Variants in RAPH1 observed in about 807,000 individuals in gnomAD.
The protein encoded by RAPH1 is ras-associated and pleckstrin homology domains-containing protein 1.
Under a neutral mutation model 88.1 loss-of-function variants are expected in RAPH1, and 18 were observed. The observed-to-expected ratio is 0.20, with a 90% CI of 0.14 to 0.30. The LOEUF (loss-of-function observed/expected upper bound fraction) is 0.30, where lower values mean the gene tolerates loss of function less well. RAPH1 is among the 10% of genes least tolerant of loss of function. The pLI is 1.00. For missense variants in RAPH1, 1,448 were observed against 1,543.2 expected (o/e 0.94, Z 1.03); for synonymous variants, 587 against 559.0 (o/e 1.05, Z -0.71).
At position 203,448,983 on chromosome 2, in the gene RAPH1, A is replaced by T; in HGVS notation, c.1414-147T>A. ...ATGCTTCTTATATGGCCATAAGGCC[A>T]AATAAAGTAGCCCATAAGAATTTTT... On this transcript the variant is annotated intron_variant, in intron 10 of 13. Coordinates refer to ENST00000319170, the MANE Select transcript of RAPH1 (RefSeq NM_213589.3). This position sits in a 1 kb window ranked among gnomAD's most constrained non-coding sequence, Gnocchi z 4.1. 1 of 420,702 alleles carries T rather than the reference A, an allele frequency of 2.4e-6. No individual in the cohort carries two copies. The highest frequency in any genetic ancestry group is 4.2e-6 in the Non-Finnish European group (1 of 240,534). The allele number at this position is 420,702 out of a possible 1,614,324, so 26.1% of individuals were successfully genotyped here.
chr2:203,452,452 G>GT (rs2098515724), intron 10 of RAPH1, among the ~76,000 whole-genome samples: 1 of 152,166 alleles, frequency 6.6e-6, no homozygotes, highest in Non-Finnish European at 1.5e-5. Flanking sequence ...AAAATAACTC[G>GT]TATCTTTAAG....
At position 203,435,223 on chromosome 2, in the gene RAPH1, T is replaced by C. The variant is rs2098497482; in HGVS notation, c.*4214A>G. Reference sequence around the variant, plus strand: ...TATTTGAGGGATAAAGGTGTAGAAATTTTCTCTTTGAATTTTATAAGGAAA... The same window carrying C: ...TATTTGAGGGATAAAGGTGTAGAAACTTTCTCTTTGAATTTTATAAGGAAA... On this transcript the variant is annotated 3_prime_UTR_variant, in exon 14 of 14. Coordinates refer to ENST00000319170, the MANE Select transcript of RAPH1 (RefSeq NM_213589.3). 1 of 152,106 alleles carries C rather than the reference T, an allele frequency of 6.6e-6. No individual in the cohort carries two copies. The highest frequency in any genetic ancestry group is 1.5e-5 in the Non-Finnish European group (1 of 68,018). 9.4% of individuals were successfully genotyped at this position (152,106 alleles called of 1,614,324 possible).
In RAPH1 at chr2:203,471,034, ATCATTC is replaced by A. The variant is rs556536320; in HGVS notation, c.733-9115_733-9110del. The stretch of plus-strand genomic sequence containing the variant: ...ATAATTTGTAAATGGCATGGTCCCT[ATCATTC>A]TCCCCTTAACTTTTCAGTAACATGT... On this transcript the variant is annotated intron_variant, in intron 4 of 13. Coordinates refer to ENST00000319170, the MANE Select transcript of RAPH1 (RefSeq NM_213589.3). Among the ~76,000 whole-genome samples, 110 of 152,318 alleles carry A rather than the reference ATCATTC, an allele frequency of 7.2e-4. 1 individual carries two copies. The highest frequency in any genetic ancestry group is 2.5e-3 in the African/African-American group (105 of 41,584).
intron 1 of RAPH1, among the ~76,000 whole-genome samples, chr2:203,513,351 CTTTTTTTT>C (rs35194583): frequency 8.1e-5 from 7 of 86,910 alleles, no homozygotes; most frequent in Non-Finnish European, 1.3e-4. Context: ...TTCTCTCAAT[CTTTTTTTT>C]TTTTTTTTTT....
intron 3 of RAPH1, among the ~76,000 whole-genome samples, chr2:203,490,709 T>A (rs561821685): frequency 6.6e-6 from 1 of 152,290 alleles, no homozygotes; most frequent in African/African-American, 2.4e-5. Context: ...CTTTTCTCTG[T>A]GATATTTTCA....
rs1371433502 is a variant in RAPH1, at chr2:203,437,359, C to T, written c.*2078G>A. Reference sequence around the variant, plus strand: ...ATAACTGGATTCATATTCTTACTAACTCTAACCCACAAATATGGGTGCCCC... The same window carrying T: ...ATAACTGGATTCATATTCTTACTAATTCTAACCCACAAATATGGGTGCCCC... On this transcript the variant is annotated 3_prime_UTR_variant, in exon 14 of 14. Coordinates refer to ENST00000319170, the MANE Select transcript of RAPH1 (RefSeq NM_213589.3). 1 of 150,780 alleles carries T rather than the reference C, an allele frequency of 6.6e-6. No homozygotes were observed. Among genetic ancestry groups the T allele is most frequent in the East Asian group, 1.9e-4 (1 of 5,196 alleles). 9.3% of individuals were successfully genotyped at this position (150,780 alleles called of 1,614,324 possible). A position where few individuals can be genotyped will look rare whatever the true frequency, so the allele number is the denominator to read the frequency against.
chr2:203,481,758 ATT>A (rs757903816), intron 4 of RAPH1, among the ~76,000 whole-genome samples: 125 of 137,314 alleles, frequency 9.1e-4, no homozygotes, highest in African/African-American at 3.1e-3. Flanking sequence ...CGCCAGGATA[ATT>A]TTTTTTTTTT....
intron 10 of RAPH1, among the ~76,000 whole-genome samples, chr2:203,449,130 A>T (rs2098512582): frequency 6.6e-6 from 1 of 152,282 alleles, no homozygotes; most frequent in African/African-American, 2.4e-5. Flanking sequence ...AACAAAGTTC[A>T]TCAAGGTTAA....
chr2:203,517,056 GA>G (rs1689647216), intron 1 of RAPH1, among the ~76,000 whole-genome samples: 1 of 150,846 alleles, frequency 6.6e-6, no homozygotes, highest in Admixed American at 6.6e-5. Flanking sequence ...AATAAAGAAA[GA>G]AAGAAAAAGT....
At chr2:203,501,461 G>A (rs558655682) in intron 1 of RAPH1, among the ~76,000 whole-genome samples, 5 of 152,128 alleles carry the variant, frequency 3.3e-5, no homozygotes, top group Non-Finnish European at 5.9e-5. Context: ...AACCGTCTGG[G>A]AAGTTTTAAA....
chr2:203,495,193 GT>G, intron 2 of RAPH1, 40 bp downstream of exon 2: 1 of 1,610,408 alleles, frequency 6.2e-7, no homozygotes, highest in Non-Finnish European at 8.5e-7. Flanking sequence ...TAACACAATG[GT>G]GACTTCAAAT....
rs1361036292 is a variant in RAPH1 at position 203,476,454 on chromosome 2, A to G, written c.732+13130T>C. ...CCAAAGTGCTGGGATTACAGGTATG[A>G]GCCAACACACCCGGCCACGAGATTT... On this transcript the variant is annotated intron_variant, in intron 4 of 13. Coordinates refer to ENST00000319170, the MANE Select transcript of RAPH1 (RefSeq NM_213589.3). Among the ~76,000 whole-genome samples the G allele has an allele frequency of 2.0e-5, 3 of 152,158 alleles. 1 individual carries two copies.
At chr2:203,517,359 C>CAAAAAAAAAAAAAAA (rs71408943) in intron 1 of RAPH1, among the ~76,000 whole-genome samples, 14 of 32,148 alleles carry the variant, frequency 4.4e-4, no homozygotes, top group African/African-American at 5.5e-4. Flanking sequence ...CTATGAGAGG[C>CAAAAAAAAAAAAAAA]AAAAAAAAAA....
At chr2:203,507,572 C>T (rs892032166) in intron 1 of RAPH1, among the ~76,000 whole-genome samples, 2 of 152,160 alleles carry the variant, frequency 1.3e-5, no homozygotes, top group Non-Finnish European at 2.9e-5. Context: ...TACAACATCA[C>T]TGTAGTTATT....
At position 203,445,086 on chromosome 2, in the gene RAPH1, G is replaced by C. The variant is rs559296365; in HGVS notation, c.1634-76C>G. 8.9e-6 allele frequency: 12 copies of C among 1,355,196 alleles called. 1 individual carries two copies. In the South Asian group the frequency reaches 1.5e-4, roughly 17 times the overall value. The allele number at this position is 1,355,196 out of a possible 1,614,324, so 83.9% of individuals were successfully genotyped here. A position where few individuals can be genotyped will look rare whatever the true frequency, so the allele number is the denominator to read the frequency against. On this transcript the variant is annotated intron_variant, in intron 12 of 13. Coordinates refer to ENST00000319170, the MANE Select transcript of RAPH1 (RefSeq NM_213589.3). ...CAATATTCATATGTATGTCTAGTTA[G>C]ATCTTTTACACAAGGTCAAGTGCTG... is the stretch of plus-strand genomic sequence containing the variant.
chr2:203,453,215 C>G (rs756451957), intron 10 of RAPH1, among the ~76,000 whole-genome samples: 5 of 152,130 alleles, frequency 3.3e-5, no homozygotes, highest in Non-Finnish European at 5.9e-5. Flanking sequence ...TAAAATGATA[C>G]AGTGGTGTTC....
intron 1 of RAPH1, among the ~76,000 whole-genome samples, chr2:203,503,867 G>A (rs993213221): frequency 1.3e-5 from 2 of 152,088 alleles, no homozygotes; most frequent in Non-Finnish European, 2.9e-5. Flanking sequence ...GGGGTTACAG[G>A]GCCCATGAAA....
intron 1 of RAPH1, among the ~76,000 whole-genome samples, chr2:203,534,047 T>TA (rs1690503991): frequency 6.6e-6 from 1 of 152,132 alleles, no homozygotes; most frequent in Non-Finnish European, 1.5e-5. Context: ...ACAGAGTAGG[T>TA]ATTCCATAAA....
In RAPH1 at chr2:203,506,812, C is replaced by A. The variant is rs28818192; in HGVS notation, c.1-11459G>T. On this transcript the variant is annotated intron_variant, in intron 1 of 13. Coordinates refer to ENST00000319170, the MANE Select transcript of RAPH1 (RefSeq NM_213589.3). ...TATATATCTATATATATATCTATAT[C>A]TATATATCTATATATATATCTATAT... is the stretch of plus-strand genomic sequence containing the variant. 2.1e-3 allele frequency among the ~76,000 whole-genome samples: 107 copies of A among 52,180 alleles called. 2 individuals are homozygous for A. The highest frequency in any genetic ancestry group is 7.5e-3 in the African/African-American group (70 of 9,372). 34.2% of individuals were successfully genotyped at this position (52,180 alleles called of 152,430 possible). A position where few individuals can be genotyped will look rare whatever the true frequency, so the allele number is the denominator to read the frequency against.
Sources: gnomAD v4.1 joint callset for allele counts (sites outside exome capture counted in the v4.1 genomes callset) on GRCh38, gnomAD v4.1.1 for gene constraint, Gnocchi (gnomAD v3.1) non-coding constraint, MANE v1.5 for transcripts, NCBI Gene and HGNC (gene_info 2026-07-23, HGNC 2026-07-21) for gene names.